Variants in SOX5 observed in about 807,000 individuals in gnomAD.
SOX5 encodes SRY-box transcription factor 5.
A neutral mutation model predicts 92.0 loss-of-function variants in SOX5; 9 were observed. That is an observed-to-expected ratio of 0.10 (90% CI 0.06 to 0.17). The LOEUF is 0.17. Among genes scored for constraint, SOX5 ranks in the 10% least tolerant of loss-of-function variants. The pLI is 1.00. For missense variants in SOX5, 642 were observed against 944.5 expected (o/e 0.68, Z 4.20); for synonymous variants, 344 against 336.3 (o/e 1.02, Z -0.25).
chr12:23,530,508 C>T lies in SOX5; in HGVS notation c.*3711G>A, dbSNP rs1034739831. ...ATTTGGTTCTAACGATGATTATGTT[C>T]TTTGGGAGGGATTTTATACATGGTT... On this transcript the variant is annotated 3_prime_UTR_variant, in exon 15 of 15. Transcript: ENST00000451604. 6.6e-6 allele frequency: 1 copy of T among 150,718 alleles called. No homozygotes were observed. Among genetic ancestry groups the T allele is most frequent in the African/African-American group, 2.5e-5 (1 of 40,798 alleles). The allele number at this position is 150,718 out of a possible 1,614,324, so 9.3% of individuals were successfully genotyped here.
chr12:24,421,519 A>G (rs1255922140), intron 1 of SOX5, among the ~76,000 whole-genome samples: 1 of 152,194 alleles, frequency 6.6e-6, no homozygotes, highest in East Asian at 1.9e-4. Context: ...TAATTAAAAT[A>G]TTAGGGACAT....
At chr12:23,547,942 T>A (rs1243000556) in intron 11 of SOX5, among the ~76,000 whole-genome samples, 2 of 152,072 alleles carry the variant, frequency 1.3e-5, no homozygotes, top group Non-Finnish European at 2.9e-5. Context: ...CTCAGGAGCA[T>A]CAAGGACACC....
chr12:23,982,308 C>G (rs961849703), intron 4 of SOX5, among the ~76,000 whole-genome samples: 12 of 152,180 alleles, frequency 7.9e-5, no homozygotes, highest in African/African-American at 2.9e-4. Flanking sequence ...ACAGGAAAAA[C>G]TTAGAATGCT....
At chr12:23,986,129 T>C (rs78120929) in intron 4 of SOX5, among the ~76,000 whole-genome samples, 15,342 of 152,200 alleles carry the variant, frequency 0.1, 1,019 homozygotes, top group East Asian at 0.21. Flanking sequence ...ATAACACATT[T>C]AAGGTTGCAG....
At chr12:23,614,859 T>G (rs532280658) in intron 8 of SOX5, among the ~76,000 whole-genome samples, 1 of 152,346 alleles carries the variant, frequency 6.6e-6, no homozygotes, top group Non-Finnish European at 1.5e-5. Flanking sequence ...TGGAGTGCAA[T>G]GGCACAATCT....
intron 4 of SOX5, among the ~76,000 whole-genome samples, chr12:24,028,926 A>G (rs1210975213): frequency 6.6e-6 from 1 of 152,076 alleles, no homozygotes; most frequent in African/African-American, 2.4e-5. Flanking sequence ...GCAGAATACA[A>G]GAATGTTGAG....
At chr12:24,265,878 A>T (rs1942929790) in intron 3 of SOX5, among the ~76,000 whole-genome samples, 1 of 152,136 alleles carries the variant, frequency 6.6e-6, no homozygotes, top group Non-Finnish European at 1.5e-5. Context: ...TGCATCATAC[A>T]CGACCACCAC....
At chr12:23,891,918 A>T (rs2097133395) in intron 2 of SOX5, among the ~76,000 whole-genome samples, 1 of 152,080 alleles carries the variant, frequency 6.6e-6, no homozygotes, top group Non-Finnish European at 1.5e-5. Flanking sequence ...TTAGTTCTAA[A>T]ATTGCTAGAA....
At chr12:24,040,790 G>A (rs991391465) in intron 4 of SOX5, among the ~76,000 whole-genome samples, 14 of 152,130 alleles carry the variant, frequency 9.2e-5, no homozygotes, top group Middle Eastern at 3.4e-3. Context: ...GGAGAATGGC[G>A]TACACCTGGG....
chr12:23,635,155 GA>G (rs35117539), intron 8 of SOX5, among the ~76,000 whole-genome samples: 2 of 152,250 alleles, frequency 1.3e-5, no homozygotes, highest in Middle Eastern at 3.4e-3. Context: ...AGTCTTCCCT[GA>G]AAAAAGTGAT....
At chr12:23,755,044 G>T (rs78578417) in intron 4 of SOX5, among the ~76,000 whole-genome samples, 2,746 of 151,758 alleles carry the variant, frequency 0.018, 82 homozygotes, top group African/African-American at 0.062. Context: ...AGGATAATTT[G>T]CTTTTATCTT....
intron 4 of SOX5, among the ~76,000 whole-genome samples, chr12:23,965,387 C>G (rs1302796384): frequency 6.6e-6 from 1 of 152,128 alleles, no homozygotes; most frequent in Non-Finnish European, 1.5e-5. Flanking sequence ...TCAAAACTGT[C>G]TGATCCTGCC....
chr12:23,542,745 A>G (rs1181090908), intron 13 of SOX5, among the ~76,000 whole-genome samples: 2 of 152,000 alleles, frequency 1.3e-5, no homozygotes, highest in African/African-American at 4.8e-5. Context: ...CATCTTCCCC[A>G]CCTCCACCCT....
intron 3 of SOX5, among the ~76,000 whole-genome samples, chr12:24,263,355 G>A (rs1268812778): frequency 4.6e-5 from 7 of 151,266 alleles, no homozygotes; most frequent in African/African-American, 1.5e-4. Flanking sequence ...GTGAAACCCC[G>A]TCTCTACTAA....
chr12:24,042,715 G>A (rs1956640618), intron 4 of SOX5, among the ~76,000 whole-genome samples: 1 of 152,032 alleles, frequency 6.6e-6, no homozygotes, highest in East Asian at 1.9e-4. Flanking sequence ...TTATTTCACT[G>A]GGTGTGTACT....
At chr12:24,438,664 C>G (rs1939930155) in intron 1 of SOX5, among the ~76,000 whole-genome samples, 1 of 152,096 alleles carries the variant, frequency 6.6e-6, no homozygotes, top group African/African-American at 2.4e-5. Flanking sequence ...GGCCATGGTT[C>G]AAGACTTCAG....
At chr12:23,583,910 C>A (rs1950373477) in intron 9 of SOX5, among the ~76,000 whole-genome samples, 1 of 152,016 alleles carries the variant, frequency 6.6e-6, no homozygotes, top group Admixed American at 6.6e-5. Context: ...CCAAGAACTA[C>A]ACAACTGTTT....
intron 2 of SOX5, among the ~76,000 whole-genome samples, chr12:24,298,148 T>C (rs1390556830): frequency 6.6e-6 from 1 of 152,122 alleles, no homozygotes; most frequent in African/African-American, 2.4e-5. Flanking sequence ...TCTTGGCTCA[T>C]AGCAACCTCC....
intron 4 of SOX5, among the ~76,000 whole-genome samples, chr12:24,200,405 G>A (rs1343553807): frequency 6.6e-6 from 1 of 151,898 alleles, no homozygotes; most frequent in African/African-American, 2.4e-5. Flanking sequence ...TATAAATCTT[G>A]GGTTTGAAAG....
Sources: allele counts gnomAD v4.1 joint callset (sites outside exome capture counted in the v4.1 genomes callset), GRCh38; gene constraint gnomAD v4.1.1; transcripts MANE v1.5; gene names NCBI Gene and HGNC (gene_info 2026-07-23, HGNC 2026-07-21).